Variants in LBH observed in about 807,000 individuals in gnomAD.
The protein encoded by LBH is LBH regulator of Wnt signaling pathway, also known as protein LBH.
In LBH, 7 loss-of-function variants were observed where a neutral mutation model predicts 12.5. That is an observed-to-expected ratio of 0.56 (90% CI 0.32 to 1.05). The LOEUF (loss-of-function observed/expected upper bound fraction) is 1.05. Among genes scored for constraint, LBH ranks in the 50% least tolerant of loss-of-function variants. The pLI is 0.04. For missense variants in LBH, 119 were observed against 138.9 expected, an observed-to-expected ratio of 0.86 and a Z score of 0.72; for synonymous variants, 51 against 50.1, an observed-to-expected ratio of 1.02 and a Z score of -0.08.
rs191013597 is a variant in LBH at position 30,256,259 on chromosome 2, G to A, written c.130-1174G>A. ...CTGCCAGCTCTGGGCAGGACACAAAGTAGGCATTAAAAAACAAAGCCTGGC... is the reference window on the plus strand; with the variant it reads ...CTGCCAGCTCTGGGCAGGACACAAAATAGGCATTAAAAAACAAAGCCTGGC... On this transcript the variant is annotated intron_variant, in intron 2 of 2. Transcript: ENST00000395323. Among the ~76,000 whole-genome samples the A allele has an allele frequency of 7.4e-4, 113 of 152,326 alleles. 1 individual carries two copies. Among genetic ancestry groups the A allele is most frequent in the Admixed American group, 6.9e-3 (105 of 15,306 alleles).
At chr2:30,241,677 G>T (rs140890268) in intron 2 of LBH, among the ~76,000 whole-genome samples, 34 of 151,758 alleles carry the variant, frequency 2.2e-4, no homozygotes, top group Non-Finnish European at 3.7e-4. Flanking sequence ...TGGCCAGGCC[G>T]GTCTCAAATT....
chr2:30,232,484 G>A, intron 1 of LBH: 1 of 401,724 alleles, frequency 2.5e-6, no homozygotes, highest in East Asian at 4.1e-5. Flanking sequence ...GCAGAGAGAG[G>A]CAGGCCCCTG....
chr2:30,234,214 G>A, intron 1 of LBH, 191 bp from the exon 2 acceptor site: 1 of 578,012 alleles, frequency 1.7e-6, no homozygotes, highest in Non-Finnish European at 3.1e-6. Context: ...GTCTGTTGCG[G>A]CTGAGCCCTG....
intron 2 of LBH, among the ~76,000 whole-genome samples, chr2:30,243,110 G>T (rs1292518040): frequency 1.3e-5 from 2 of 152,162 alleles, no homozygotes; most frequent in African/African-American, 4.8e-5. Context: ...AAGATATTTG[G>T]CTATTTTAAA....
rs368088545 is a variant in LBH, at chr2:30,234,480, C to T, written c.102C>T (p.Ser34=). Residue 34 remains serine, a synonymous_variant, in exon 2 of 3, where the codon AGC becomes AGT. Coordinates refer to ENST00000395323, the MANE Select transcript of LBH (RefSeq NM_030915.4). ...AGCCCATGGAGGAGATCGGCCTCAG[C>T]CCCCGCAAGGATGGCCTTTCCTACC... ...NTQPMEEIGL[S]PRKDGLSYQI... is the part of the protein sequence containing the mutation. 8 of 1,613,846 alleles carry T rather than the reference C, an allele frequency of 5.0e-6. No homozygotes were observed. Among genetic ancestry groups the T allele is most frequent in the South Asian group, 1.1e-5 (1 of 91,074 alleles).
intron 1 of LBH, chr2:30,232,514 T>G: frequency 1.5e-5 from 4 of 271,104 alleles, no homozygotes; most frequent in Admixed American, 5.4e-5. Context: ...ACTTCCTTGC[T>G]GGCAGTTTCT....
intron 2 of LBH, among the ~76,000 whole-genome samples, chr2:30,241,135 A>G (rs1677781978): frequency 6.6e-6 from 1 of 152,226 alleles, no homozygotes; most frequent in Admixed American, 6.5e-5. Context: ...CATTTTCACT[A>G]GATGTAGCCC....
Position 30,257,627 on chromosome 2 carries a change from C to T in LBH, c.*6C>T, listed in dbSNP as rs748145414. The T allele has an allele frequency of 6.3e-7, 1 of 1,592,918 alleles. No individual in the cohort carries two copies. Among genetic ancestry groups the T allele is most frequent in the Non-Finnish European group, 8.6e-7 (1 of 1,166,040 alleles). On this transcript the variant is annotated 3_prime_UTR_variant, in exon 3 of 3. Transcript: ENST00000395323. ...AAGAAAATAAAGAGCAGTAGAGTCC[C>T]TGTGGACTCCCATGGGTCATACCAG... is the stretch of plus-strand genomic sequence containing the variant.
At chr2:30,233,603 G>A (rs555849300) in intron 1 of LBH, among the ~76,000 whole-genome samples, 138 of 152,376 alleles carry the variant, frequency 9.1e-4, no homozygotes, top group Non-Finnish European at 1.6e-3. Flanking sequence ...TGTGCCCAGA[G>A]TTTGTGCAAG....
intron 2 of LBH, among the ~76,000 whole-genome samples, chr2:30,243,450 G>A (rs1677822577): frequency 6.6e-6 from 1 of 151,962 alleles, no homozygotes; most frequent in Admixed American, 6.6e-5. Context: ...GGCTTTCCTG[G>A]GGTTCCAGAT....
chr2:30,240,869 G>A (rs1380170704), intron 2 of LBH, among the ~76,000 whole-genome samples: 6 of 152,166 alleles, frequency 3.9e-5, no homozygotes, highest in African/African-American at 1.2e-4. Context: ...TCTCAGCCAG[G>A]AATTTTATTT....
chr2:30,232,146 T>C, intron 1 of LBH: 1 of 1,542,700 alleles, frequency 6.5e-7, no homozygotes, highest in South Asian at 1.2e-5. Context: ...GCCCCTCCTC[T>C]TTTTCTTTTT....
Position 30,257,733 on chromosome 2 carries a change from C to A in LBH, c.*112C>A. The A allele has an allele frequency of 1.3e-6, 1 of 767,500 alleles. No homozygotes were observed. The allele number at this position is 767,500 out of a possible 1,614,324, so 47.5% of individuals were successfully genotyped here. A position where few individuals can be genotyped will look rare whatever the true frequency, so the allele number is the denominator to read the frequency against. ...CCGCAATTGTTCTGAAAATGTCAAA[C>A]GAGGCTTCTGTTTTGCACCTGCAGA... On this transcript the variant is annotated 3_prime_UTR_variant, in exon 3 of 3. Transcript: ENST00000395323.
Position 30,257,786 on chromosome 2 carries a change from T to G in LBH, c.*165T>G. The G allele has an allele frequency of 3.7e-6, 2 of 541,960 alleles. No homozygotes were observed. Among genetic ancestry groups the G allele is most frequent in the Non-Finnish European group, 6.2e-6 (2 of 323,900 alleles). The allele number at this position is 541,960 out of a possible 1,614,324, so 33.6% of individuals were successfully genotyped here. On this transcript the variant is annotated 3_prime_UTR_variant, in exon 3 of 3. Transcript: ENST00000395323. ...ACCGAGTTGGTTTTCTTTTCTTTTCTTGCCTTTTTTTTTTTTTGAAATTTG... is the reference window on the plus strand; with the variant it reads ...ACCGAGTTGGTTTTCTTTTCTTTTCGTGCCTTTTTTTTTTTTTGAAATTTG...
At chr2:30,249,321 A>C (rs1378789938) in intron 2 of LBH, among the ~76,000 whole-genome samples, 1 of 152,222 alleles carries the variant, frequency 6.6e-6, no homozygotes, top group East Asian at 1.9e-4. Flanking sequence ...TTTTATTTGA[A>C]TTAGCTGCTG....
chr2:30,252,520 G>A (rs962278666), intron 2 of LBH, among the ~76,000 whole-genome samples: 6 of 152,140 alleles, frequency 3.9e-5, no homozygotes, highest in African/African-American at 1.2e-4. Context: ...AAATTAGCCG[G>A]GCGTGGTGGC....
At chr2:30,244,682 G>C (rs1439164083) in intron 2 of LBH, among the ~76,000 whole-genome samples, 1 of 152,028 alleles carries the variant, frequency 6.6e-6, no homozygotes, top group Non-Finnish European at 1.5e-5. Context: ...TGGGCAGATT[G>C]CTTGAGCTCA....
In LBH at chr2:30,240,286, C is replaced by T. The variant is rs527653295; in HGVS notation, c.129+5779C>T. 1.1e-4 allele frequency among the ~76,000 whole-genome samples: 16 copies of T among 152,288 alleles called. No individual in the cohort carries two copies. The South Asian group carries it at 2.5e-3, about 24-fold the overall frequency. ...GATCAGCATTTTCTCTAAGTAGGCC[C>T]GGTCTCCCACGTTGGATAGAAAGGA... On this transcript the variant is annotated intron_variant, in intron 2 of 2. Transcript: ENST00000395323.
rs146575157 is a variant in LBH, at chr2:30,257,941, T to C, written c.*320T>C. On this transcript the variant is annotated 3_prime_UTR_variant, in exon 3 of 3. Transcript: ENST00000395323. ...CATTATCTGAACTCAGGCAGCCTAG[T>C]AGAGGCAGTGGTGGGATTCCAATGG... is the stretch of plus-strand genomic sequence containing the variant. The C allele has an allele frequency of 3.3e-5, 7 of 211,210 alleles. No individual in the cohort carries two copies. Among genetic ancestry groups the C allele is most frequent in the Non-Finnish European group, 5.7e-5 (6 of 105,804 alleles). The allele number at this position is 211,210 out of a possible 1,614,324, so 13.1% of individuals were successfully genotyped here.
Sources: allele counts gnomAD v4.1 joint callset (sites outside exome capture counted in the v4.1 genomes callset), GRCh38; gene constraint gnomAD v4.1.1; transcripts MANE v1.5; gene names NCBI Gene and HGNC (gene_info 2026-07-23, HGNC 2026-07-21).